The following SLC25A33 variants were observed in gnomAD, a reference collection of about 807,000 sequenced individuals.
The protein encoded by SLC25A33 is bone marrow stromal cell mitochondrial carrier protein.
Under a neutral mutation model 35.5 loss-of-function variants are expected in SLC25A33, and 15 were observed. The observed-to-expected ratio is 0.42, with a 90% confidence interval of 0.28 to 0.65. SLC25A33 has a LOEUF of 0.65. SLC25A33 is among the 30% of genes least tolerant of loss of function. The probability of loss-of-function intolerance (pLI) is 0.20; values close to 1 mark genes in which losing one functional copy is unlikely to be tolerated. For missense variants in SLC25A33, 257 were observed against 398.5 expected (o/e 0.64, Z 3.02); for synonymous variants, 136 against 148.7 (o/e 0.91, Z 0.62).
At chr1:9,569,122 G>C (rs1643552959) in intron 3 of SLC25A33, among the ~76,000 whole-genome samples, 1 of 151,838 alleles carries the variant, frequency 6.6e-6, no homozygotes, top group African/African-American at 2.4e-5. Flanking sequence ...ACATGCATCT[G>C]TAATCCCAGC....
At chr1:9,545,355 G>A (rs1321528872) in intron 1 of SLC25A33, among the ~76,000 whole-genome samples, 1 of 151,970 alleles carries the variant, frequency 6.6e-6, no homozygotes, top group Non-Finnish European at 1.5e-5. Flanking sequence ...TTTAAGAAAA[G>A]GAATACATAG....
chr1:9,560,729 T>A (rs944825803), intron 2 of SLC25A33, among the ~76,000 whole-genome samples: 1 of 151,844 alleles, frequency 6.6e-6, no homozygotes, highest in Non-Finnish European at 1.5e-5. Context: ...AAGAAAAAAA[T>A]TCTCTATTGA....
chr1:9,552,882 T>G (rs1219385943), intron 1 of SLC25A33, among the ~76,000 whole-genome samples: 1 of 151,380 alleles, frequency 6.6e-6, no homozygotes, highest in Non-Finnish European at 1.5e-5. Flanking sequence ...GTGGGAATAG[T>G]AGTTACCCTT....
intron 2 of SLC25A33, among the ~76,000 whole-genome samples, chr1:9,561,378 A>G (rs1315249353): frequency 6.6e-6 from 1 of 152,212 alleles, no homozygotes; most frequent in Non-Finnish European, 1.5e-5. Context: ...ATTATGATAT[A>G]AAACAGTGAA....
chr1:9,578,208 G>A lies in SLC25A33; in HGVS notation c.483-1746G>A, dbSNP rs1268448365. The stretch of plus-strand genomic sequence containing the variant: ...GCTGGGAATACAGGTGTGAGCCACC[G>A]CACCCGGCCTCTGGATGGTTTTAAG... On this transcript the variant is annotated intron_variant, in intron 5 of 6. Coordinates refer to ENST00000302692, the MANE Select transcript of SLC25A33 (RefSeq NM_032315.3). The surrounding 1 kb of genome is among the most constrained non-coding windows in gnomAD (Gnocchi z 4.3). Among the ~76,000 whole-genome samples, 6 of 152,170 alleles carry A rather than the reference G, an allele frequency of 3.9e-5. No homozygotes were observed. Among genetic ancestry groups the A allele is most frequent in the Non-Finnish European group, 7.4e-5 (5 of 68,026 alleles).
intron 2 of SLC25A33, among the ~76,000 whole-genome samples, chr1:9,561,285 G>A (rs1021340081): frequency 3.3e-5 from 5 of 152,074 alleles, no homozygotes; most frequent in African/African-American, 4.8e-5. Flanking sequence ...GAAAAGTAAC[G>A]TGTTAGTGAT....
chr1:9,580,904 C>G (rs1318027681), intron 6 of SLC25A33, among the ~76,000 whole-genome samples: 2 of 149,876 alleles, frequency 1.3e-5, no homozygotes, highest in African/African-American at 4.9e-5. Context: ...ATCATTCAGC[C>G]TCTATTTCTA....
intron 1 of SLC25A33, among the ~76,000 whole-genome samples, chr1:9,551,429 C>G (rs1441003556): frequency 1.3e-5 from 2 of 152,166 alleles, no homozygotes; most frequent in African/African-American, 4.8e-5. Context: ...GATTTTACTT[C>G]ATTCGTTACT....
intron 2 of SLC25A33, among the ~76,000 whole-genome samples, chr1:9,555,543 G>A (rs1274026988): frequency 6.6e-6 from 1 of 152,158 alleles, no homozygotes; most frequent in Non-Finnish European, 1.5e-5. Flanking sequence ...TGCCAAATGT[G>A]TGCAAAGGTA....
chr1:9,567,903 A>G (rs1007167182), intron 3 of SLC25A33, among the ~76,000 whole-genome samples: 3 of 152,232 alleles, frequency 2.0e-5, no homozygotes, highest in Admixed American at 1.3e-4. Flanking sequence ...AAGGGTAGTC[A>G]CTGGCCACAT....
In SLC25A33 at chr1:9,561,456, G is replaced by A. The variant is rs370638457; in HGVS notation, c.237-5828G>A. 1.4e-3 allele frequency among the ~76,000 whole-genome samples: 216 copies of A among 152,064 alleles called. 5 individuals are homozygous for A. The South Asian group carries it at 0.043, about 31-fold the overall frequency. Reference sequence around the variant, plus strand: ...ATTTTTTTCCTAAATGAAAGTTTGTGACTGTGGGAAAATGAGTCTGGATCC... The same window carrying A: ...ATTTTTTTCCTAAATGAAAGTTTGTAACTGTGGGAAAATGAGTCTGGATCC... On this transcript the variant is annotated intron_variant, in intron 2 of 6. Coordinates refer to ENST00000302692, the MANE Select transcript of SLC25A33 (RefSeq NM_032315.3).
intron 5 of SLC25A33, among the ~76,000 whole-genome samples, chr1:9,575,090 G>A (rs1344057234): frequency 6.6e-6 from 1 of 151,466 alleles, no homozygotes; most frequent in African/African-American, 2.4e-5. Context: ...GTGGGCGCCT[G>A]TAGTCCCAGC....
chr1:9,570,233 T>C, intron 3 of SLC25A33, 25 bp from the exon 4 acceptor site: 1 of 1,599,088 alleles, frequency 6.3e-7, no homozygotes, highest in Non-Finnish European at 8.5e-7. Flanking sequence ...ATGATTTCTT[T>C]ATAATGTTCT....
At chr1:9,575,357 C>T (rs1440404576) in intron 5 of SLC25A33, among the ~76,000 whole-genome samples, 1 of 152,058 alleles carries the variant, frequency 6.6e-6, no homozygotes, top group East Asian at 1.9e-4. Flanking sequence ...TGGCTCATGC[C>T]TGTAATCCCA....
At chr1:9,565,923 C>CA (rs940448453) in intron 2 of SLC25A33, among the ~76,000 whole-genome samples, 9 of 151,802 alleles carry the variant, frequency 5.9e-5, no homozygotes, top group African/African-American at 2.2e-4. Context: ...GAAAAGCAGT[C>CA]ACGGTATAAT....
At chr1:9,540,940 A>G (rs998645663) in intron 1 of SLC25A33, among the ~76,000 whole-genome samples, 4 of 151,744 alleles carry the variant, frequency 2.6e-5, no homozygotes, top group African/African-American at 7.3e-5. Context: ...CTTCCCTGTC[A>G]TTCATTCCCT....
intron 4 of SLC25A33, 65 bp downstream of exon 4, chr1:9,570,423 A>G: frequency 7.3e-7 from 1 of 1,361,502 alleles, no homozygotes; most frequent in Non-Finnish European, 1.0e-6. Flanking sequence ...GCATTGTGCC[A>G]GTTTTTCCAG....
chr1:9,575,212 CAAAAAAAAAAA>C (rs909942057), intron 5 of SLC25A33, among the ~76,000 whole-genome samples: 1 of 58,720 alleles, frequency 1.7e-5, no homozygotes, highest in Admixed American at 1.8e-4. Context: ...GACTCTGGCT[CAAAAAAAAAAA>C]AAAAAAAAAA....
chr1:9,548,179 C>T (rs765371372), intron 1 of SLC25A33, among the ~76,000 whole-genome samples: 4 of 152,118 alleles, frequency 2.6e-5, no homozygotes, highest in Non-Finnish European at 5.9e-5. Flanking sequence ...CAGCCATGGC[C>T]TTCAAACTTT....
Sources: allele counts gnomAD v4.1 joint callset (sites outside exome capture counted in the v4.1 genomes callset), GRCh38; gene constraint gnomAD v4.1.1; non-coding constraint Gnocchi (gnomAD v3.1); transcripts MANE v1.5; gene names NCBI Gene and HGNC (gene_info 2026-07-23, HGNC 2026-07-21).